Variants in EPHA6 observed in about 807,000 individuals in gnomAD.
EPHA6 encodes the protein EPH receptor A6, also known as ephrin type-A receptor 6.
A neutral mutation model predicts 112.0 loss-of-function variants in EPHA6; 50 were observed. The observed-to-expected ratio is 0.45, with a 90% CI of 0.36 to 0.56. The LOEUF (loss-of-function observed/expected upper bound fraction) is 0.56. EPHA6 is among the 20% of genes least tolerant of loss of function. The probability of loss-of-function intolerance (pLI) is 0.00; values close to 1 mark genes in which losing one functional copy is unlikely to be tolerated. For missense variants in EPHA6, 1,280 were observed against 1,417.4 expected, an observed-to-expected ratio of 0.90 and a Z score of 1.56; for synonymous variants, 529 against 490.7, an observed-to-expected ratio of 1.08 and a Z score of -1.03.
intron 11 of EPHA6, among the ~76,000 whole-genome samples, chr3:97,587,475 A>T (rs763925704): frequency 6.6e-6 from 1 of 152,234 alleles, no homozygotes; most frequent in Non-Finnish European, 1.5e-5. Context: ...AATAATATTC[A>T]CTTTACATAT....
intron 2 of EPHA6, among the ~76,000 whole-genome samples, chr3:96,873,938 T>C (rs532782634): frequency 5.9e-4 from 90 of 152,266 alleles, no homozygotes; most frequent in Non-Finnish European, 1.1e-3. Context: ...TAAATATTTT[T>C]ATTACCACGT....
chr3:97,107,034 C>T (rs2047590395), intron 3 of EPHA6, among the ~76,000 whole-genome samples: 1 of 152,002 alleles, frequency 6.6e-6, no homozygotes, highest in Admixed American at 6.6e-5. Context: ...TCCAATCGGC[C>T]AGGATCCTTG....
At chr3:97,558,636 T>C (rs949967507) in intron 11 of EPHA6, among the ~76,000 whole-genome samples, 2 of 151,998 alleles carry the variant, frequency 1.3e-5, no homozygotes, top group Admixed American at 6.6e-5. Flanking sequence ...GAAAATAAAA[T>C]AGAAGTAAAG....
intron 1 of EPHA6, among the ~76,000 whole-genome samples, chr3:96,822,420 A>G (rs950957357): frequency 1.3e-5 from 2 of 151,804 alleles, no homozygotes; most frequent in African/African-American, 2.4e-5. Context: ...ATATTGAGCT[A>G]GTTTCCCGGG....
intron 1 of EPHA6, among the ~76,000 whole-genome samples, chr3:96,834,076 A>T (rs1232357493): frequency 6.6e-6 from 1 of 152,064 alleles, no homozygotes; most frequent in African/African-American, 2.4e-5. Flanking sequence ...TAAATGTCAA[A>T]AAAAGCATCT....
chr3:97,532,439 G>T lies in EPHA6; in HGVS notation c.2282G>T (p.Gly761Val), dbSNP rs921612508. The T allele has an allele frequency of 6.2e-7, 1 of 1,612,466 alleles. No individual in the cohort carries two copies. Among genetic ancestry groups the T allele is most frequent in the Non-Finnish European group, 8.5e-7 (1 of 1,178,974 alleles). ...EIPVAIKTLK[G>V]GHMDRQRRDF... ...CCAGTTGCCATTAAAACTTTGAAAG[G>T]TGGCCACATGGATCGGCAAAGAAGA... The change falls in exon 11 of 18, where the codon GGT (glycine) becomes GTT (valine). Residue 761 changes from glycine to valine, a missense_variant. Coordinates refer to ENST00000389672, the MANE Select transcript of EPHA6 (RefSeq NM_001080448.3).
At chr3:97,139,397 T>G (rs2075841349) in intron 3 of EPHA6, among the ~76,000 whole-genome samples, 1 of 152,024 alleles carries the variant, frequency 6.6e-6, no homozygotes, top group Admixed American at 6.5e-5. Context: ...GCTTGTAGAG[T>G]GAACTGCACA....
chr3:97,360,651 C>A (rs915766497), intron 5 of EPHA6, among the ~76,000 whole-genome samples: 1 of 151,904 alleles, frequency 6.6e-6, no homozygotes, highest in South Asian at 2.1e-4. Context: ...AGATTATGAC[C>A]ACATGAATTT....
At chr3:97,536,899 A>G (rs1199861976) in intron 11 of EPHA6, among the ~76,000 whole-genome samples, 1 of 152,126 alleles carries the variant, frequency 6.6e-6, no homozygotes, top group African/African-American at 2.4e-5. Flanking sequence ...AGACTAGAAA[A>G]CATTAAAGGT....
intron 5 of EPHA6, among the ~76,000 whole-genome samples, chr3:97,331,973 A>C (rs1188410978): frequency 1.3e-5 from 2 of 152,144 alleles, no homozygotes; most frequent in East Asian, 1.9e-4. Context: ...ATTTTAGACC[A>C]ATATCCCTGA....
At chr3:97,314,132 C>T (rs2081693494) in intron 5 of EPHA6, among the ~76,000 whole-genome samples, 1 of 151,578 alleles carries the variant, frequency 6.6e-6, no homozygotes, top group African/African-American at 2.4e-5. Flanking sequence ...ATTGAAGAGA[C>T]TGTCCTTTCT....
At chr3:97,631,395 A>G (rs1333081848) in intron 13 of EPHA6, among the ~76,000 whole-genome samples, 2 of 152,040 alleles carry the variant, frequency 1.3e-5, no homozygotes, top group Admixed American at 6.6e-5. Context: ...TAAACCATCT[A>G]GTAAGGTAAA....
intron 11 of EPHA6, among the ~76,000 whole-genome samples, chr3:97,545,799 A>T (rs1577724675): frequency 6.6e-6 from 1 of 152,134 alleles, no homozygotes; most frequent in South Asian, 2.1e-4. Context: ...TTGCTGAATT[A>T]ATCCCTTTAC....
At chr3:97,102,721 C>G (rs915744990) in intron 3 of EPHA6, among the ~76,000 whole-genome samples, 1 of 151,978 alleles carries the variant, frequency 6.6e-6, no homozygotes, top group Non-Finnish European at 1.5e-5. Flanking sequence ...AATAGTTGAA[C>G]TAATTTACAC....
intron 16 of EPHA6, among the ~76,000 whole-genome samples, chr3:97,740,729 G>A (rs577725749): frequency 7.9e-5 from 12 of 152,230 alleles, no homozygotes; most frequent in Admixed American, 2.6e-4. Flanking sequence ...AGCGAATTAT[G>A]CACCAATACT....
chr3:96,957,484 T>A (rs2041806181), intron 2 of EPHA6, among the ~76,000 whole-genome samples: 1 of 152,218 alleles, frequency 6.6e-6, no homozygotes, highest in Non-Finnish European at 1.5e-5. Context: ...TGTAGATAAT[T>A]TGTAACTGGG....
At chr3:96,946,493 A>G (rs1390042834) in intron 2 of EPHA6, among the ~76,000 whole-genome samples, 2 of 152,156 alleles carry the variant, frequency 1.3e-5, no homozygotes, top group Non-Finnish European at 2.9e-5. Context: ...GTCCCTACAA[A>G]GGACATGAAC....
At chr3:97,132,312 G>C (rs1435539822) in intron 3 of EPHA6, among the ~76,000 whole-genome samples, 1 of 151,972 alleles carries the variant, frequency 6.6e-6, no homozygotes, top group Admixed American at 6.6e-5. Context: ...GAGGCGCTCA[G>C]GGTTGATTAA....
At chr3:97,157,037 T>G (rs1292643517) in intron 3 of EPHA6, among the ~76,000 whole-genome samples, 1 of 152,160 alleles carries the variant, frequency 6.6e-6, no homozygotes, top group Non-Finnish European at 1.5e-5. Context: ...AGAGTAGAGC[T>G]TATTTTTGAG....
Sources: allele counts gnomAD v4.1 joint callset (sites outside exome capture counted in the v4.1 genomes callset), GRCh38; gene constraint gnomAD v4.1.1; transcripts MANE v1.5; gene names NCBI Gene and HGNC (gene_info 2026-07-23, HGNC 2026-07-21).